The following RAP1GAP variants were observed in gnomAD, a reference collection of about 807,000 sequenced individuals.
RAP1GAP encodes the protein RAP1 GTPase activating protein.
Under a neutral mutation model 87.2 loss-of-function variants are expected in RAP1GAP, and 35 were observed. That is an observed-to-expected ratio of 0.40 (90% CI 0.31 to 0.53). RAP1GAP has a LOEUF of 0.53. Among genes scored for constraint, RAP1GAP ranks in the 20% least tolerant of loss-of-function variants. The pLI is 0.48. For synonymous variants in RAP1GAP, 375 were observed against 363.9 expected, an observed-to-expected ratio of 1.03 and a Z score of -0.35; for missense variants, 734 against 898.9, an observed-to-expected ratio of 0.82 and a Z score of 2.35.
chr1:21,609,558 G>C lies in RAP1GAP; in HGVS notation c.1071+17C>G, dbSNP rs759649823. ...CATTTGTCCTGCTCTGCCCATGACT[G>C]GGGGGGTGCCCCTCACCTTCCTGAA... On this transcript the variant is annotated intron_variant, in intron 15 of 24. Transcript: ENST00000374765. The surrounding 1 kb of genome is among the most constrained non-coding windows in gnomAD (Gnocchi z 4.4). 2.1e-6 allele frequency: 3 copies of C among 1,432,126 alleles called. No individual in the cohort carries two copies. Among genetic ancestry groups the C allele is most frequent in the East Asian group, 2.5e-5 (1 of 40,382 alleles). 88.7% of individuals were successfully genotyped at this position (1,432,126 alleles called of 1,614,324 possible). A position where few individuals can be genotyped will look rare whatever the true frequency, so the allele number is the denominator to read the frequency against.
rs143605708 is a variant in RAP1GAP at position 21,639,757 on chromosome 1, A to C, written c.-113+10004T>G. On this transcript the variant is annotated intron_variant, in intron 2 of 24. Transcript: ENST00000374765. Reference sequence around the variant, plus strand: ...TGGACCCCAGGGCCCTGCCGCACAGACTCAGCCGGTGGGCGGGGCAGCGTC... The same window carrying C: ...TGGACCCCAGGGCCCTGCCGCACAGCCTCAGCCGGTGGGCGGGGCAGCGTC... 2.3e-3 allele frequency among the ~76,000 whole-genome samples: 349 copies of C among 152,140 alleles called. 2 individuals are homozygous for C. Among genetic ancestry groups the C allele is most frequent in the African/African-American group, 8.1e-3 (335 of 41,512 alleles).
intron 4 of RAP1GAP, 63 bp from the exon 5 acceptor site, chr1:21,619,135 C>T (rs1558718442): frequency 1.3e-6 from 2 of 1,512,450 alleles, no homozygotes; most frequent in Non-Finnish European, 1.8e-6. Flanking sequence ...GCCTCCCCTC[C>T]CCAAGGCGTG....
rs1172952989 is a variant in RAP1GAP at position 21,608,321 on chromosome 1, C to T, written c.1188G>A (p.Thr396=). The T allele has an allele frequency of 1.2e-6, 2 of 1,613,710 alleles. No individual in the cohort carries two copies. The highest frequency in any genetic ancestry group is 1.7e-5 in the Admixed American group (1 of 60,010). ...TGTGGATGTGTAGTTCCTCATAGAGCGTCTCCAGGAGGGCGGCCCGCGTCC... is the reference window on the plus strand; with the variant it reads ...TGTGGATGTGTAGTTCCTCATAGAGTGTCTCCAGGAGGGCGGCCCGCGTCC... ...EERTRAALLE[T]LYEELHIHSQ... is the part of the protein sequence containing the mutation. Residue 396 remains threonine (T), a synonymous_variant, in exon 17 of 25, where the codon ACG becomes ACA. Transcript: ENST00000374765.
chr1:21,611,333 G>C, intron 13 of RAP1GAP, 119 bp downstream of exon 13: 1 of 1,372,018 alleles, frequency 7.3e-7, no homozygotes, highest in Admixed American at 2.3e-5. Flanking sequence ...TGGGGGCGCT[G>C]ATCATTTCCA....
chr1:21,621,596 G>T (rs781716474), intron 3 of RAP1GAP, among the ~76,000 whole-genome samples: 1 of 152,148 alleles, frequency 6.6e-6, no homozygotes, highest in Admixed American at 6.5e-5. Context: ...AGACAATTCC[G>T]CAGGCAGTTA....
In RAP1GAP at chr1:21,610,000, G is replaced by T; in HGVS notation, c.999+120C>A. On this transcript the variant is annotated intron_variant, in intron 14 of 24. Transcript: ENST00000374765. This position sits in a 1 kb window ranked among gnomAD's most constrained non-coding sequence, Gnocchi z 4.4. Reference sequence around the variant, plus strand: ...GTGGTGTGAACAGTGCACCATTGAAGCCTTCCATGGTCCCCCCATTATAGC... The same window carrying T: ...GTGGTGTGAACAGTGCACCATTGAATCCTTCCATGGTCCCCCCATTATAGC... 1 of 1,259,146 alleles carries T rather than the reference G, an allele frequency of 7.9e-7. No homozygotes were observed. Among genetic ancestry groups the T allele is most frequent in the Non-Finnish European group, 1.1e-6 (1 of 924,024 alleles). The allele number at this position is 1,259,146 out of a possible 1,614,324, so 78.0% of individuals were successfully genotyped here.
intron 1 of RAP1GAP, chr1:21,665,232 G>A (rs368317280): frequency 2.9e-5 from 15 of 517,088 alleles, no homozygotes; most frequent in Non-Finnish European, 5.4e-5. Context: ...CGGCTGCTCA[G>A]TGGCAATGTC....
intron 18 of RAP1GAP, among the ~76,000 whole-genome samples, chr1:21,604,683 G>GAGGAGCA (rs2072479438): frequency 6.6e-6 from 1 of 152,008 alleles, no homozygotes. Context: ...GGTGACTGCT[G>GAGGAGCA]GACAGCAGAG....
chr1:21,626,243 T>C, intron 3 of RAP1GAP, 61 bp downstream of exon 3: 3 of 1,404,592 alleles, frequency 2.1e-6, no homozygotes, highest in African/African-American at 1.4e-5. Flanking sequence ...TTCCCAGCCC[T>C]GGGCATGTGT....
chr1:21,651,987 A>C (rs2096612637), intron 1 of RAP1GAP: 4 of 427,568 alleles, frequency 9.4e-6, no homozygotes, highest in South Asian at 9.4e-5. Flanking sequence ...CCGGCGCAGA[A>C]AGGGCCGCTT....
At chr1:21,601,363 C>T (rs12759638) in intron 20 of RAP1GAP, among the ~76,000 whole-genome samples, 32,567 of 149,978 alleles carry the variant, frequency 0.22, 3,583 homozygotes, top group African/African-American at 0.27. Context: ...CCCTCTTCAT[C>T]CCCCCAACCC....
intron 1 of RAP1GAP, among the ~76,000 whole-genome samples, chr1:21,659,585 C>A (rs928649718): frequency 6.6e-6 from 1 of 152,308 alleles, no homozygotes; most frequent in South Asian, 2.1e-4. Flanking sequence ...GTGCGCAGAT[C>A]ACGGGGCCGC....
intron 2 of RAP1GAP, among the ~76,000 whole-genome samples, chr1:21,643,047 C>G (rs1312160992): frequency 4.6e-5 from 7 of 152,096 alleles, no homozygotes; most frequent in Admixed American, 3.3e-4. Flanking sequence ...CATGTCATTC[C>G]CATCAAACCA....
intron 3 of RAP1GAP, among the ~76,000 whole-genome samples, chr1:21,621,751 A>T (rs945393518): frequency 2.0e-5 from 3 of 152,200 alleles, no homozygotes; most frequent in African/African-American, 7.2e-5. Context: ...AGTCACACTG[A>T]TGATGGGTGC....
Position 21,603,275 on chromosome 1 carries a change from G to A in RAP1GAP, c.1429-362C>T, listed in dbSNP as rs2070685692. ...GCCTAAGGGCAGTGGTCAGAGGGCA[G>A]TGTAGCAACCCAAGTCCCACCCCGT... is the stretch of plus-strand genomic sequence containing the variant. On this transcript the variant is annotated intron_variant, in intron 18 of 24. Transcript: ENST00000374765. The surrounding 1 kb of genome is among the most constrained non-coding windows in gnomAD (Gnocchi z 6.0). 1 of 396,858 alleles carries A rather than the reference G, an allele frequency of 2.5e-6. No homozygotes were observed. Among genetic ancestry groups the A allele is most frequent in the Non-Finnish European group, 4.6e-6 (1 of 218,462 alleles). The allele number at this position is 396,858 out of a possible 1,614,324, so 24.6% of individuals were successfully genotyped here.
At chr1:21,602,600 G>A (rs1343149612) in intron 19 of RAP1GAP, among the ~76,000 whole-genome samples, 2 of 152,200 alleles carry the variant, frequency 1.3e-5, no homozygotes, top group African/African-American at 2.4e-5. Context: ...CTGACCTACC[G>A]CTTCTTGATC....
In RAP1GAP at chr1:21,597,986, G is replaced by A. The variant is rs1370920462; in HGVS notation, c.1958C>T (p.Ala653Val). The A allele has an allele frequency of 1.3e-6, 2 of 1,576,382 alleles. No homozygotes were observed. The highest frequency in any genetic ancestry group is 2.3e-5 in the East Asian group (1 of 43,050). The change falls in exon 23 of 25, where the codon GCA becomes GTA. Residue 653 changes from alanine to valine, a missense_variant. By Grantham distance (64) the Ala-to-Val change is moderately conservative (BLOSUM62 0). This residue lies in a region of RAP1GAP where 249 missense variants were observed against 252.7 expected (regional missense o/e 0.99). Transcript: ENST00000374765. ...ACPEIKIQLE[A>V]SEQHMPQLGC Reference sequence around the variant, plus strand: ...CAGCTGGGGCATGTGCTGCTCAGATGCTTCCAGCTGGATCTTGATCTCGGG... The same window carrying A: ...CAGCTGGGGCATGTGCTGCTCAGATACTTCCAGCTGGATCTTGATCTCGGG...
At chr1:21,611,394 A>G (rs1032545306) in intron 13 of RAP1GAP, 58 bp downstream of exon 13, 3 of 1,565,080 alleles carry the variant, frequency 1.9e-6, no homozygotes, top group African/African-American at 2.7e-5. Context: ...GGCTGAACAG[A>G]CAGGTGGAGG....
chr1:21,621,351 C>A (rs1189339705), intron 3 of RAP1GAP, among the ~76,000 whole-genome samples: 1 of 152,150 alleles, frequency 6.6e-6, no homozygotes, highest in Non-Finnish European at 1.5e-5. Flanking sequence ...AGGTATCCAG[C>A]AACTGCAGGG....
Sources: gnomAD v4.1 joint callset for allele counts (sites outside exome capture counted in the v4.1 genomes callset) on GRCh38, gnomAD v4.1.1 for gene constraint, gnomAD v4.1.1 regional missense constraint, Gnocchi (gnomAD v3.1) non-coding constraint, MANE v1.5 for transcripts, NCBI Gene and HGNC (gene_info 2026-07-23, HGNC 2026-07-21) for gene names.